The following SOX5 variants were observed in gnomAD, a reference collection of about 807,000 sequenced individuals.
The protein encoded by SOX5 is transcription factor SOX-5.
Under a neutral mutation model 92.0 loss-of-function variants are expected in SOX5, and 9 were observed. That is an observed-to-expected ratio of 0.10 (90% CI 0.06 to 0.17). The LOEUF (loss-of-function observed/expected upper bound fraction) is 0.17, where lower values mean the gene tolerates loss of function less well. Ranked by LOEUF, SOX5 falls within the 10% of genes least tolerant of loss-of-function variation. The pLI, the probability that SOX5 is intolerant of heterozygous loss-of-function variation, is 1.00. For synonymous variants in SOX5, 344 were observed against 336.3 expected, an observed-to-expected ratio of 1.02 and a Z score of -0.25; for missense variants, 642 against 944.5, an observed-to-expected ratio of 0.68 and a Z score of 4.20.
At chr12:23,743,741 A>G (rs984274348) in intron 4 of SOX5, among the ~76,000 whole-genome samples, 5 of 152,094 alleles carry the variant, frequency 3.3e-5, no homozygotes, top group Non-Finnish European at 5.9e-5. Context: ...TGCAAAACCC[A>G]CTTAAGTTAG....
chr12:24,424,629 C>T (rs374581983), intron 1 of SOX5, among the ~76,000 whole-genome samples: 2 of 152,070 alleles, frequency 1.3e-5, no homozygotes, highest in South Asian at 2.1e-4. Context: ...TCTGTTGTAA[C>T]GACCTCTGCA....
At chr12:24,323,574 A>G (rs995357240) in intron 2 of SOX5, among the ~76,000 whole-genome samples, 2 of 152,122 alleles carry the variant, frequency 1.3e-5, no homozygotes, top group Non-Finnish European at 2.9e-5. Context: ...CCAAGTAATT[A>G]AAAATCACTG....
Position 24,276,732 on chromosome 12 carries a change from A to G in SOX5, c.-77+484T>C, listed in dbSNP as rs118022514. ...AATGTTTCTGTCAGTAAATTAGAAA[A>G]TATTTGTCTGGCTTCAGCAATATTA... On this transcript the variant is annotated intron_variant, in intron 3 of 4. Transcript: ENST00000446891. Among the ~76,000 whole-genome samples, 8 of 152,250 alleles carry G rather than the reference A, an allele frequency of 5.3e-5. No individual in the cohort carries two copies. The East Asian group carries it at 1.5e-3, about 29-fold the overall frequency.
chr12:23,838,580 A>T (rs1254237704), intron 3 of SOX5, among the ~76,000 whole-genome samples: 1 of 152,068 alleles, frequency 6.6e-6, no homozygotes, highest in Non-Finnish European at 1.5e-5. Flanking sequence ...TTTCATAAAT[A>T]CTACCTCTGT....
intron 2 of SOX5, among the ~76,000 whole-genome samples, chr12:24,294,712 C>T (rs986584185): frequency 1.3e-5 from 2 of 152,188 alleles, no homozygotes; most frequent in Admixed American, 1.3e-4. Flanking sequence ...TAGATTGTTA[C>T]GGTGGCTGCA....
At chr12:24,331,610 G>A (rs1444664604) in intron 2 of SOX5, among the ~76,000 whole-genome samples, 1 of 152,064 alleles carries the variant, frequency 6.6e-6, no homozygotes, top group East Asian at 1.9e-4. Flanking sequence ...AGCACTTTGG[G>A]AGGCCAAGGT....
chr12:24,117,589 G>A lies in SOX5; in HGVS notation c.-2+95754C>T, dbSNP rs552060448. On this transcript the variant is annotated intron_variant, in intron 4 of 4. Coordinates refer to the SOX5 transcript ENST00000446891. ...CCTAAGTGTTCATCAGCAAGTGAAT[G>A]GATAAAGAAAATATGGGATTATACA... Among the ~76,000 whole-genome samples, 8 of 152,192 alleles carry A rather than the reference G, an allele frequency of 5.3e-5. No individual in the cohort carries two copies. In the South Asian group the frequency reaches 1.7e-3, roughly 32 times the overall value.
intron 9 of SOX5, among the ~76,000 whole-genome samples, chr12:23,591,435 CT>C (rs1566102668): frequency 6.6e-6 from 1 of 152,100 alleles, no homozygotes; most frequent in Non-Finnish European, 1.5e-5. Flanking sequence ...ATCTTCTTCA[CT>C]TATTTTGTTG....
intron 11 of SOX5, among the ~76,000 whole-genome samples, chr12:23,557,513 G>T (rs186639481): frequency 1.2e-4 from 19 of 152,314 alleles, no homozygotes; most frequent in Admixed American, 1.1e-3. Flanking sequence ...TTATTTTTGT[G>T]AGTGACATCT....
intron 1 of SOX5, among the ~76,000 whole-genome samples, chr12:24,376,690 C>G (rs12819825): frequency 1.4e-5 from 1 of 70,572 alleles, no homozygotes; most frequent in Admixed American, 2.1e-4. Flanking sequence ...GGAGAGATAC[C>G]TTTTTTTTTT....
rs7955150 is a variant in SOX5, at chr12:24,302,245, G to T, written c.-173-24933C>A. Among the ~76,000 whole-genome samples the T allele has an allele frequency of 8.2e-3, 1,243 of 152,180 alleles. 20 individuals carry two copies. Among genetic ancestry groups the T allele is most frequent in the African/African-American group, 0.028 (1,151 of 41,494 alleles). On this transcript the variant is annotated intron_variant, in intron 2 of 4. Transcript: ENST00000446891. ...GTTTCTCTCACCCCTACATATGTAT[G>T]TCCATGGGGTATTATTCAATTAAAA...
intron 4 of SOX5, among the ~76,000 whole-genome samples, chr12:24,050,688 C>T (rs1569523773): frequency 6.6e-6 from 1 of 152,150 alleles, no homozygotes; most frequent in Non-Finnish European, 1.5e-5. Context: ...CATGCCTGCT[C>T]AGCAACATAC....
chr12:23,916,740 G>C (rs754800054), intron 1 of SOX5, among the ~76,000 whole-genome samples: 1 of 152,066 alleles, frequency 6.6e-6, no homozygotes, highest in African/African-American at 2.4e-5. Context: ...AACCCACAGG[G>C]AATTATCAAG....
chr12:23,757,093 G>A (rs973109951), intron 3 of SOX5, among the ~76,000 whole-genome samples: 4 of 151,806 alleles, frequency 2.6e-5, no homozygotes, highest in Non-Finnish European at 5.9e-5. Flanking sequence ...ATGGTGAAAA[G>A]CTCTGAATGA....
intron 3 of SOX5, among the ~76,000 whole-genome samples, chr12:24,234,360 C>T (rs1964020598): frequency 6.6e-6 from 1 of 152,116 alleles, no homozygotes; most frequent in African/African-American, 2.4e-5. Flanking sequence ...TCCTAAAATA[C>T]ACCACATATT....
At chr12:24,138,672 T>C (rs546198457) in intron 4 of SOX5, among the ~76,000 whole-genome samples, 19 of 152,346 alleles carry the variant, frequency 1.2e-4, no homozygotes, top group Admixed American at 1.1e-3. Context: ...ATATTTATTC[T>C]TAAAAATTCA....
At chr12:24,178,894 G>A (rs1219424448) in intron 4 of SOX5, among the ~76,000 whole-genome samples, 1 of 152,164 alleles carries the variant, frequency 6.6e-6, no homozygotes, top group Non-Finnish European at 1.5e-5. Context: ...TTTCCCCCAT[G>A]ATACCCATCT....
At chr12:24,225,493 T>TC in intron 3 of SOX5, among the ~76,000 whole-genome samples, 1 of 148,036 alleles carries the variant, frequency 6.8e-6, no homozygotes, top group South Asian at 2.1e-4. Context: ...TTTTTTTTTT[T>TC]CCCCACTTAG....
chr12:23,566,042 C>A (rs1025321552), intron 10 of SOX5, among the ~76,000 whole-genome samples: 1 of 152,134 alleles, frequency 6.6e-6, no homozygotes, highest in Admixed American at 6.5e-5. Flanking sequence ...CCTCCTGTTT[C>A]AATAAAAATG....
Sources: allele counts gnomAD v4.1 joint callset (sites outside exome capture counted in the v4.1 genomes callset), GRCh38; gene constraint gnomAD v4.1.1; transcripts MANE v1.5; gene names NCBI Gene and HGNC (gene_info 2026-07-23, HGNC 2026-07-21).